MGST1: variants seen among roughly 807,000 people sequenced by gnomAD.
MGST1 encodes the protein microsomal glutathione S-transferase 1.
Under a neutral mutation model 8.9 loss-of-function variants are expected in MGST1, and 5 were observed. That is an observed-to-expected ratio of 0.56 (90% CI 0.29 to 1.19). MGST1 has a LOEUF of 1.19. MGST1 is among the 50% of genes most tolerant of loss of function. The pLI, the probability that MGST1 is intolerant of heterozygous loss-of-function variation, is 0.08. For missense variants in MGST1, 182 were observed against 187.4 expected (o/e 0.97, Z 0.17); for synonymous variants, 54 against 67.8 (o/e 0.80, Z 1.00).
intron 4 of MGST1, among the ~76,000 whole-genome samples, chr12:16,574,904 G>A (rs1283152058): frequency 6.6e-6 from 1 of 152,066 alleles, no homozygotes; most frequent in Non-Finnish European, 1.5e-5. Context: ...AAATCTGGCC[G>A]AGTCCGAGTC....
In MGST1 at chr12:16,559,091, C is replaced by G. The variant is rs1166187852; in HGVS notation, n.483-30437C>G. Among the ~76,000 whole-genome samples the G allele has an allele frequency of 1.3e-5, 2 of 152,110 alleles. No homozygotes were observed. The highest frequency in any genetic ancestry group is 4.8e-5 in the African/African-American group (2 of 41,428). On this transcript the variant is annotated intron_variant and non_coding_transcript_variant, in intron 4 of 4. Transcript: ENST00000538857. The surrounding 1 kb of genome is among the most constrained non-coding windows in gnomAD (Gnocchi z 4.1). ...AAGAAGATTCTGCATCAAATAGTAC[C>G]TTTCAGAGTAAATTACAATAACTGA... is the stretch of plus-strand genomic sequence containing the variant.
At chr12:16,472,208 C>A in intron 4 of MGST1, among the ~76,000 whole-genome samples, 1 of 152,060 alleles carries the variant, frequency 6.6e-6, no homozygotes, top group East Asian at 1.9e-4. Flanking sequence ...CAACTTCTTA[C>A]CTGCCCCATA....
chr12:16,356,184 G>A (rs1171406230), intron 2 of MGST1, among the ~76,000 whole-genome samples: 2 of 152,144 alleles, frequency 1.3e-5, no homozygotes, highest in Admixed American at 6.5e-5. Context: ...CAAGTTTTAG[G>A]GGGCCACAAA....
At chr12:16,535,496 A>G (rs1264408995) in intron 4 of MGST1, among the ~76,000 whole-genome samples, 4 of 152,230 alleles carry the variant, frequency 2.6e-5, no homozygotes, top group Non-Finnish European at 4.4e-5. Context: ...ATGGACATTC[A>G]TGTTTGCTTG....
chr12:16,480,808 C>T (rs1359796838), intron 4 of MGST1, among the ~76,000 whole-genome samples: 1 of 152,038 alleles, frequency 6.6e-6, no homozygotes, highest in African/African-American at 2.4e-5. Context: ...TGGTAGCTCC[C>T]ACCTGTAATC....
At chr12:16,431,004 C>T (rs1015278520) in intron 1 of MGST1, among the ~76,000 whole-genome samples, 4 of 152,296 alleles carry the variant, frequency 2.6e-5, no homozygotes, top group Admixed American at 6.5e-5. Context: ...CATAACTTGC[C>T]GAAGCTTCTA....
intron 1 of MGST1, among the ~76,000 whole-genome samples, chr12:16,406,828 G>T (rs1385151639): frequency 6.6e-6 from 1 of 152,226 alleles, no homozygotes; most frequent in Non-Finnish European, 1.5e-5. Context: ...TCAGTAAATG[G>T]TGCTGGGATA....
At chr12:16,532,800 A>T (rs1297875361) in intron 4 of MGST1, among the ~76,000 whole-genome samples, 4 of 152,186 alleles carry the variant, frequency 2.6e-5, no homozygotes, top group African/African-American at 4.8e-5. Context: ...CATTTTTTTT[A>T]AATTTTACAT....
At chr12:16,494,328 CATG>C (rs1462639338) in intron 4 of MGST1, among the ~76,000 whole-genome samples, 2 of 152,238 alleles carry the variant, frequency 1.3e-5, no homozygotes, top group African/African-American at 2.4e-5. Flanking sequence ...ATTTAATTCT[CATG>C]ATACCTTCTT....
At chr12:16,395,780 CATATATAT>C (rs369986291) in intron 1 of MGST1, among the ~76,000 whole-genome samples, 14 of 121,896 alleles carry the variant, frequency 1.1e-4, no homozygotes, top group African/African-American at 3.6e-4. Context: ...AGTATTCCAT[CATATATAT>C]ATATATATAT....
At chr12:16,395,804 TAC>T (rs61693803) in intron 1 of MGST1, among the ~76,000 whole-genome samples, 1,357 of 123,154 alleles carry the variant, frequency 0.011, 75 homozygotes, top group African/African-American at 0.041. Flanking sequence ...TATATATATA[TAC>T]ACACACACAC....
chr12:16,411,920 C>A lies in MGST1; in HGVS notation n.779-25468C>A, dbSNP rs1303349403. Among the ~76,000 whole-genome samples the A allele has an allele frequency of 3.9e-5, 6 of 152,164 alleles. No homozygotes were observed. In the South Asian group the frequency reaches 1.0e-3, roughly 26 times the overall value. On this transcript the variant is annotated intron_variant and non_coding_transcript_variant, in intron 1 of 1. Transcript: ENST00000359720. ...GATAAGTTCTCTACACCCGAGGTGA[C>A]TTGGTTGTCAAATGAAATTAATAAT...
At chr12:16,399,995 T>A (rs1940640673) in intron 1 of MGST1, 1 of 1,471,268 alleles carries the variant, frequency 6.8e-7, no homozygotes, top group African/African-American at 1.4e-5. Context: ...CAGGTACTCC[T>A]GTAGGGAGCT....
At chr12:16,397,181 G>A (rs1940612687) in intron 1 of MGST1, among the ~76,000 whole-genome samples, 2 of 152,102 alleles carry the variant, frequency 1.3e-5, no homozygotes, top group South Asian at 4.1e-4. Context: ...GTGGGGAAAG[G>A]ACATCCTATT....
intron 1 of MGST1, chr12:16,399,708 G>A: frequency 1.6e-6 from 2 of 1,266,488 alleles, no homozygotes; most frequent in Non-Finnish European, 2.3e-6. Context: ...ATCAACAATG[G>A]TCTTTATTGC....
intron 1 of MGST1, among the ~76,000 whole-genome samples, chr12:16,405,167 G>T (rs1219231741): frequency 6.6e-6 from 1 of 152,042 alleles, no homozygotes; most frequent in Non-Finnish European, 1.5e-5. Flanking sequence ...CAGAAGACAA[G>T]AAATCAAAAT....
chr12:16,488,349 C>A (rs1277546807), intron 4 of MGST1, among the ~76,000 whole-genome samples: 1 of 152,032 alleles, frequency 6.6e-6, no homozygotes, highest in Non-Finnish European at 1.5e-5. Flanking sequence ...TCAGTTCCAC[C>A]CTCCCTCATC....
rs762098737 is a variant in MGST1, at chr12:16,517,731, A to G, written n.483-71797A>G. Among the ~76,000 whole-genome samples the G allele has an allele frequency of 5.3e-5, 8 of 152,202 alleles. No homozygotes were observed. The highest frequency in any genetic ancestry group is 1.9e-4 in the East Asian group (1 of 5,192). The stretch of plus-strand genomic sequence containing the variant: ...TCCACAGAGAAGAGAGTTTTAGCCA[A>G]TGGTCTTCTGCTATTCCAGATTCAT... On this transcript the variant is annotated intron_variant and non_coding_transcript_variant, in intron 4 of 4. Coordinates refer to the MGST1 transcript ENST00000538857. The surrounding 1 kb of genome is among the most constrained non-coding windows in gnomAD (Gnocchi z 4.2).
At chr12:16,484,414 T>G (rs1941385311) in intron 4 of MGST1, among the ~76,000 whole-genome samples, 2 of 152,202 alleles carry the variant, frequency 1.3e-5, no homozygotes, top group Admixed American at 1.3e-4. Flanking sequence ...GTTTGTTTGT[T>G]TGTTTGTTTA....
Sources: allele counts gnomAD v4.1 joint callset (sites outside exome capture counted in the v4.1 genomes callset), GRCh38; gene constraint gnomAD v4.1.1; non-coding constraint Gnocchi (gnomAD v3.1); transcripts MANE v1.5; gene names NCBI Gene and HGNC (gene_info 2026-07-23, HGNC 2026-07-21).